SOX5: variants seen among roughly 807,000 people sequenced by gnomAD.
The protein encoded by SOX5 is transcription factor SOX-5.
SOX5 carries 9 observed loss-of-function variants against 92.0 expected under a neutral mutation model. That is an observed-to-expected ratio of 0.10 (90% CI 0.06 to 0.17). The LOEUF (loss-of-function observed/expected upper bound fraction) is 0.17. Among genes scored for constraint, SOX5 ranks in the 10% least tolerant of loss-of-function variants. The pLI is 1.00. For synonymous variants in SOX5, 344 were observed against 336.3 expected (o/e 1.02, Z -0.25); for missense variants, 642 against 944.5 (o/e 0.68, Z 4.20).
At chr12:23,793,497 G>A (rs1412989775) in intron 3 of SOX5, among the ~76,000 whole-genome samples, 1 of 152,072 alleles carries the variant, frequency 6.6e-6, no homozygotes, top group Admixed American at 6.6e-5. Context: ...GAACTATACT[G>A]GACTGAAGGA....
chr12:23,569,239 A>T (rs926084966), intron 10 of SOX5, among the ~76,000 whole-genome samples: 1 of 152,192 alleles, frequency 6.6e-6, no homozygotes, highest in African/African-American at 2.4e-5. Flanking sequence ...ATGTATATTT[A>T]AAAAAATTGA....
intron 1 of SOX5, among the ~76,000 whole-genome samples, chr12:24,520,821 C>A (rs918436091): frequency 6.6e-6 from 1 of 151,854 alleles, no homozygotes; most frequent in Non-Finnish European, 1.5e-5. Context: ...AAATGGCAAC[C>A]GAAAGAAAGC....
intron 2 of SOX5, among the ~76,000 whole-genome samples, chr12:24,325,125 CA>C (rs961481223): frequency 4.0e-5 from 6 of 150,998 alleles, no homozygotes; most frequent in African/African-American, 1.5e-4. Flanking sequence ...CAGCACTTTT[CA>C]GGTTAAAAAA....
chr12:23,681,651 G>A (rs191014143), intron 6 of SOX5, among the ~76,000 whole-genome samples: 106 of 151,734 alleles, frequency 7.0e-4, no homozygotes, highest in African/African-American at 2.2e-3. Flanking sequence ...TTGTGGATAC[G>A]GAGCTTCTAT....
At chr12:24,470,798 T>C (rs1566246773) in intron 1 of SOX5, among the ~76,000 whole-genome samples, 1 of 152,170 alleles carries the variant, frequency 6.6e-6, no homozygotes, top group East Asian at 1.9e-4. Context: ...CAAACCTCAG[T>C]TTCCTCAACT....
intron 4 of SOX5, among the ~76,000 whole-genome samples, chr12:24,096,129 T>A (rs995411097): frequency 4.6e-5 from 7 of 152,228 alleles, no homozygotes; most frequent in African/African-American, 1.7e-4. Flanking sequence ...TAAACATTTT[T>A]TATTATACTT....
At chr12:24,557,128 C>T (rs1277260973) in intron 1 of SOX5, among the ~76,000 whole-genome samples, 1 of 152,070 alleles carries the variant, frequency 6.6e-6, no homozygotes, top group Non-Finnish European at 1.5e-5. Context: ...CGGTGGCTCA[C>T]GCTTGTAATC....
chr12:24,188,784 T>C (rs1425081220), intron 4 of SOX5, among the ~76,000 whole-genome samples: 1 of 152,148 alleles, frequency 6.6e-6, no homozygotes, highest in Non-Finnish European at 1.5e-5. Context: ...TTTAGGAAGA[T>C]TAATCCATTT....
intron 4 of SOX5, among the ~76,000 whole-genome samples, chr12:24,131,368 T>C (rs921096381): frequency 2.0e-5 from 3 of 152,186 alleles, no homozygotes; most frequent in East Asian, 1.9e-4. Flanking sequence ...TTCTGTGACA[T>C]GATTTGACAT....
chr12:23,859,043 C>T (rs1309668735), intron 2 of SOX5, among the ~76,000 whole-genome samples: 3 of 152,152 alleles, frequency 2.0e-5, no homozygotes, highest in African/African-American at 7.2e-5. Context: ...ACTTCAGGAC[C>T]CTGTGATGAT....
At chr12:23,620,635 C>T (rs1007936374) in intron 8 of SOX5, among the ~76,000 whole-genome samples, 1 of 151,952 alleles carries the variant, frequency 6.6e-6, no homozygotes, top group Non-Finnish European at 1.5e-5. Context: ...AAAATGAGTC[C>T]TTTTCACTAC....
chr12:24,258,176 C>A (rs1026098332), intron 3 of SOX5, among the ~76,000 whole-genome samples: 20 of 151,990 alleles, frequency 1.3e-4, no homozygotes, highest in Admixed American at 1.2e-3. Context: ...CGTCAAAAAA[C>A]ACACACACAC....
chr12:24,315,352 T>C (rs1053654927), intron 2 of SOX5, among the ~76,000 whole-genome samples: 5 of 151,946 alleles, frequency 3.3e-5, no homozygotes, highest in African/African-American at 9.7e-5. Context: ...AATTAACATA[T>C]CTTACTTGTA....
intron 2 of SOX5, among the ~76,000 whole-genome samples, chr12:24,343,513 A>T (rs1049700353): frequency 5.3e-5 from 8 of 151,696 alleles, no homozygotes; most frequent in African/African-American, 1.9e-4. Context: ...AATATAAAGT[A>T]TATTAGATAG....
At chr12:24,500,429 C>A (rs897033131) in intron 1 of SOX5, among the ~76,000 whole-genome samples, 1 of 152,012 alleles carries the variant, frequency 6.6e-6, no homozygotes, top group African/African-American at 2.4e-5. Context: ...AAAAAAGTTT[C>A]TTTTTAAACG....
intron 2 of SOX5, among the ~76,000 whole-genome samples, chr12:23,864,915 GA>G (rs1027143000): frequency 2.0e-5 from 3 of 152,156 alleles, no homozygotes; most frequent in Non-Finnish European, 4.4e-5. Context: ...ATTGGAGGGA[GA>G]CACACCATCT....
At position 23,778,714 on chromosome 12, in the gene SOX5, G is replaced by C. The variant is rs550342454; in HGVS notation, c.482-22990C>G. Among the ~76,000 whole-genome samples the C allele has an allele frequency of 2.6e-5, 4 of 152,290 alleles. No homozygotes were observed. The South Asian group carries it at 8.3e-4, about 32-fold the overall frequency. ...CTGGATGACGTGGTCCTGTGCCAAT[G>C]ATCTTGTGTTGCAGGCCCTTTTACC... On this transcript the variant is annotated intron_variant, in intron 3 of 14. Coordinates refer to ENST00000451604, the MANE Select transcript of SOX5 (RefSeq NM_006940.6).
chr12:24,124,851 T>C (rs1365645823), intron 4 of SOX5, among the ~76,000 whole-genome samples: 2 of 152,202 alleles, frequency 1.3e-5, no homozygotes, highest in African/African-American at 4.8e-5. Flanking sequence ...AAATACATGA[T>C]AGTAGCATTT....
chr12:23,807,031 T>C (rs571723344), intron 3 of SOX5, among the ~76,000 whole-genome samples: 1 of 152,316 alleles, frequency 6.6e-6, no homozygotes, highest in East Asian at 1.9e-4. Flanking sequence ...TGGCCAAATT[T>C]CCCAGTTAAA....
Sources: allele counts gnomAD v4.1 joint callset (sites outside exome capture counted in the v4.1 genomes callset), GRCh38; gene constraint gnomAD v4.1.1; transcripts MANE v1.5; gene names NCBI Gene and HGNC (gene_info 2026-07-23, HGNC 2026-07-21).